Variants in TTN observed in about 807,000 individuals in gnomAD.
TTN encodes the protein titin.
Under a neutral mutation model 3,223.0 loss-of-function variants are expected in TTN, and 1,525 were observed. The observed-to-expected ratio is 0.47, with a 90% CI of 0.45 to 0.49. The LOEUF (loss-of-function observed/expected upper bound fraction) is 0.49, where lower values mean the gene tolerates loss of function less well. TTN is among the 20% of genes least tolerant of loss of function. The pLI, the probability that TTN is intolerant of heterozygous loss-of-function variation, is 0.00. For missense variants in TTN, 40,786 were observed against 43,424.0 expected (o/e 0.94, Z 5.40); for synonymous variants, 14,094 against 15,161.0 (o/e 0.93, Z 5.17).
chr2:178,586,366 C>G, intron 308 of TTN, 139 bp downstream of exon 308: 2 of 955,810 alleles, frequency 2.1e-6, no homozygotes, highest in Non-Finnish European at 3.1e-6. Flanking sequence ...TTGGCCCACT[C>G]ATGTGTTTGA....
intron 305 of TTN, 44 bp from the exon 306 acceptor site, chr2:178,587,844 G>A (rs1172743169): frequency 1.4e-5 from 22 of 1,566,088 alleles, no homozygotes; most frequent in Non-Finnish European, 1.9e-5. Flanking sequence ...TCAGAATGTG[G>A]GGAAATCATA....
Position 178,601,370 on chromosome 2 carries a change from G to T in TTN, c.55627C>A (p.Leu18543Ile), listed in dbSNP as rs374878433. ...AAGAAATATTGCTGTTCAGAGAGGA[G>T]ATCAGGCACTACAAATGTGGTGCTT... ...CGSTTFVVPDLLSEQQYFFRV... is the reference protein window; with the variant it reads ...CGSTTFVVPDILSEQQYFFRV... The change falls in exon 287 of 363, where the codon CTC becomes ATC. Residue 18543 changes from leucine to isoleucine, a missense_variant. Leu to Ile is a conservative substitution (Grantham distance 5, BLOSUM62 2). Coordinates refer to ENST00000589042, the MANE Select transcript of TTN (RefSeq NM_001267550.2). 1.9e-6 allele frequency: 3 copies of T among 1,612,720 alleles called. No individual in the cohort carries two copies. The highest frequency in any genetic ancestry group is 4.5e-5 in the East Asian group (2 of 44,630).
intron 6 of TTN, among the ~76,000 whole-genome samples, chr2:178,795,528 A>T (rs1337386159): frequency 6.6e-6 from 1 of 152,198 alleles, no homozygotes; most frequent in African/African-American, 2.4e-5. Context: ...AAAAAAAAAA[A>T]AATCACAACA....
intron 1 of TTN, among the ~76,000 whole-genome samples, chr2:178,805,114 G>A (rs111272780): frequency 0.05 from 7,623 of 151,884 alleles, 400 homozygotes; most frequent in East Asian, 0.13. Context: ...AGGCCGAGGC[G>A]GGAGGATTAC....
intron 316 of TTN, 102 bp from the exon 317 acceptor site, chr2:178,580,711 T>C: frequency 2.6e-6 from 3 of 1,158,524 alleles, no homozygotes; most frequent in South Asian, 1.5e-5. Context: ...TTTCTAGAGC[T>C]GATTTCTTGT....
In TTN at chr2:178,672,459, G is replaced by A. The variant is rs956565235; in HGVS notation, c.34878C>T (p.Val11626=). The A allele has an allele frequency of 1.3e-6, 2 of 1,595,708 alleles. No individual in the cohort carries two copies. The highest frequency in any genetic ancestry group is 2.2e-5 in the East Asian group (1 of 44,782). ...PAKVPEVPKK[V]PEKKVLVPKK... is the part of the protein sequence containing the mutation. ...TAGGCACAAGGACTTTCTTTTCTGG[G>A]ACTTTCTTTGGTACTTCAGGCACTT... Residue 11626 remains valine, a synonymous_variant, in exon 154 of 363, where the codon GTC becomes GTT. Transcript: ENST00000589042.
At chr2:178,540,625 G>A (rs1408480970) in intron 350 of TTN, among the ~76,000 whole-genome samples, 2 of 152,130 alleles carry the variant, frequency 1.3e-5, no homozygotes, top group Non-Finnish European at 2.9e-5. Flanking sequence ...GTGAAACCGC[G>A]TCTCTACTAA....
rs727505020 is a variant in TTN at position 178,532,354 on chromosome 2, G to A, written c.104261C>T (p.Ala34754Val). Reference sequence around the variant, plus strand: ...TTGCCGTTGCTTTGGCTGTCTGTACGCAGCCTGGGCATGCCGTTCCCTCAG... The same window carrying A: ...TTGCCGTTGCTTTGGCTGTCTGTACACAGCCTGGGCATGCCGTTCCCTCAG... Reference protein sequence around the residue: ...AELRERHAQAAYRQPKQRQRI... With the variant: ...AELRERHAQAVYRQPKQRQRI... Residue 34754 changes from alanine to valine, a missense_variant, in exon 358 of 363, where the codon GCG becomes GTG. Physicochemically the swap from Ala to Val is moderately conservative, Grantham distance 64. Coordinates refer to ENST00000589042, the MANE Select transcript of TTN (RefSeq NM_001267550.2). The A allele has an allele frequency of 5.1e-5, 83 of 1,613,968 alleles. No homozygotes were observed. Among genetic ancestry groups the A allele is most frequent in the East Asian group, 1.3e-4 (6 of 44,880 alleles).
At position 178,776,921 on chromosome 2, in the gene TTN, T is replaced by C; in HGVS notation, c.4943A>G (p.Glu1648Gly). The C allele has an allele frequency of 6.2e-7, 1 of 1,613,320 alleles. No individual in the cohort carries two copies. Among genetic ancestry groups the C allele is most frequent in the Non-Finnish European group, 8.5e-7 (1 of 1,179,618 alleles). ...TGGCTCAGGCTCTGCAAACTCAACT[T>C]CAACATTTACTTTGCATCTTGTAGT... ...RDTTRCKVNV[E>G]VEFAEPEPER... Residue 1648 changes from glutamate to glycine, a missense_variant, in exon 28 of 363, where the codon GAA (glutamate) becomes GGA (glycine). Glu to Gly is a moderately conservative substitution (Grantham distance 98). Transcript: ENST00000589042.
intron 302 of TTN, 35 bp from the exon 303 acceptor site, chr2:178,591,927 A>G (rs1371380088): frequency 6.8e-6 from 11 of 1,605,978 alleles, no homozygotes; most frequent in South Asian, 3.4e-5. Context: ...AAAAAGTAAT[A>G]TTCTTAAAGA....
intron 246 of TTN, 22 bp downstream of exon 246, chr2:178,621,080 C>G (rs367579239): frequency 5.0e-6 from 8 of 1,608,894 alleles, no homozygotes; most frequent in Non-Finnish European, 6.8e-6. Context: ...ACAAAAAACC[C>G]TAAAAGCAAG....
chr2:178,624,564 C>G lies in TTN; in HGVS notation c.44716G>C (p.Val14906Leu). The change falls in exon 242 of 363, where the codon GTC (valine) becomes CTC (leucine). Residue 14906 changes from valine to leucine, a missense_variant. Coordinates refer to ENST00000589042, the MANE Select transcript of TTN (RefSeq NM_001267550.2). ...CAGTCATGTATAACAAGTTTTCTGA[C>G]CCTGCCATCAGCAACAATTTCATAC... ...KKYEIVADGR[V>L]RKLVIHDCTP... 6.2e-7 allele frequency: 1 copy of G among 1,612,758 alleles called. No individual in the cohort carries two copies. The highest frequency in any genetic ancestry group is 2.2e-5 in the East Asian group (1 of 44,708).
rs575070622 is a variant in TTN at position 178,529,980 on chromosome 2, C to G, written c.106511G>C (p.Ser35504Thr). The G allele has an allele frequency of 3.4e-5, 55 of 1,599,012 alleles. No individual in the cohort carries two copies. The highest frequency in any genetic ancestry group is 4.3e-5 in the Non-Finnish European group (51 of 1,176,482). The change falls in exon 359 of 363, where the codon AGC (serine) becomes ACC (threonine). Residue 35504 changes from serine to threonine, a missense_variant. Physicochemically the swap from Ser to Thr is moderately conservative, Grantham distance 58. Coordinates refer to ENST00000589042, the MANE Select transcript of TTN (RefSeq NM_001267550.2). ...VKNSAGSVSS[S>T]CKLTIKAIKD... is the part of the protein sequence containing the mutation. ...CCTACCTTTTATTGTTAATTTGCAG[C>G]TAGAGGACACAGATCCAGCTGAATT...
chr2:178,695,047 G>C, intron 115 of TTN, 141 bp from the exon 116 acceptor site: 1 of 680,550 alleles, frequency 1.5e-6, no homozygotes, highest in South Asian at 2.6e-5. Flanking sequence ...TTTTTAAAGA[G>C]AGAGATGAGT....
In TTN at chr2:178,769,958, C is replaced by T; in HGVS notation, c.8642-19G>A. 6.2e-7 allele frequency: 1 copy of T among 1,614,046 alleles called. No individual in the cohort carries two copies. Among genetic ancestry groups the T allele is most frequent in the Non-Finnish European group, 8.5e-7 (1 of 1,179,990 alleles). The stretch of plus-strand genomic sequence containing the variant: ...TGTAATGCTTGGTAAAATCAAAGAG[C>T]ACTTCAGTTAATACAATTTGTTTAA... On this transcript the variant is annotated intron_variant, in intron 36 of 362. Coordinates refer to ENST00000589042, the MANE Select transcript of TTN (RefSeq NM_001267550.2).
chr2:178,572,183 C>T lies in TTN; in HGVS notation c.73949G>A (p.Gly24650Asp). The T allele has an allele frequency of 1.2e-6, 2 of 1,613,418 alleles. No individual in the cohort carries two copies. Among genetic ancestry groups the T allele is most frequent in the Non-Finnish European group, 1.7e-6 (2 of 1,179,622 alleles). ...TTTGGTCTGCATCTCCACAATGTAG[C>T]CTAGAATTCGGCTGCCTCCATCATG... ...PEHDGGSRILGYIVEMQTKGS... is the reference protein window; with the variant it reads ...PEHDGGSRILDYIVEMQTKGS... The change falls in exon 326 of 363, where the codon GGC (glycine) becomes GAC (aspartate). Residue 24650 changes from glycine to aspartate, a missense_variant. Coordinates refer to ENST00000589042, the MANE Select transcript of TTN (RefSeq NM_001267550.2).
intron 47 of TTN, chr2:178,746,037 C>A: frequency 6.2e-7 from 1 of 1,613,448 alleles, no homozygotes; most frequent in Non-Finnish European, 8.5e-7. Context: ...CAATTCACAG[C>A]TCTGCACCTG....
intron 276 of TTN, 35 bp downstream of exon 276, chr2:178,607,750 A>C: frequency 6.2e-7 from 1 of 1,612,138 alleles, no homozygotes; most frequent in Admixed American, 1.7e-5. Flanking sequence ...ATATAGAGAA[A>C]ATATCCATAA....
chr2:178,572,273 G>T lies in TTN; in HGVS notation c.73859C>A (p.Pro24620Gln). 6.2e-7 allele frequency: 1 copy of T among 1,613,104 alleles called. No individual in the cohort carries two copies. Among genetic ancestry groups the T allele is most frequent in the Non-Finnish European group, 8.5e-7 (1 of 1,179,402 alleles). Residue 24620 changes from proline to glutamine, a missense_variant, in exon 326 of 363, where the codon CCA (proline) becomes CAA (glutamine). By Grantham distance (76) the Pro-to-Gln change is moderately conservative. Transcript: ENST00000589042. ...GACATCCATCAAAGTTATTTTTCCT[G>T]GAGGAAGAGGTCGTTCTGATGCTTT... ...SVKASERPLP[P>Q]GKITLMDVTR...
Sources: gnomAD v4.1 joint callset for allele counts (sites outside exome capture counted in the v4.1 genomes callset) on GRCh38, gnomAD v4.1.1 for gene constraint, MANE v1.5 for transcripts, NCBI Gene and HGNC (gene_info 2026-07-23, HGNC 2026-07-21) for gene names.